The following CNTN4 variants were observed in gnomAD, a reference collection of about 807,000 sequenced individuals.
CNTN4 encodes contactin-4.
Under a neutral mutation model 122.5 loss-of-function variants are expected in CNTN4, and 77 were observed. That is an observed-to-expected ratio of 0.63 (90% CI 0.52 to 0.76). The LOEUF (loss-of-function observed/expected upper bound fraction) is 0.76. CNTN4 is among the 30% of genes least tolerant of loss of function. CNTN4 has a pLI of 0.00. For synonymous variants in CNTN4, 512 were observed against 447.0 expected (o/e 1.15, Z -1.83); for missense variants, 1,256 against 1,259.1 (o/e 1.00, Z 0.04).
chr3:2,269,015 C>T (rs540944557), intron 2 of CNTN4, among the ~76,000 whole-genome samples: 1 of 152,194 alleles, frequency 6.6e-6, no homozygotes, highest in South Asian at 2.1e-4. Context: ...GACAGATTAA[C>T]CAAATAGGCA....
chr3:2,590,522 T>C (rs2080420477), intron 4 of CNTN4, among the ~76,000 whole-genome samples: 1 of 151,846 alleles, frequency 6.6e-6, no homozygotes, highest in African/African-American at 2.4e-5. Flanking sequence ...CTTTTCTGCT[T>C]GGGTGGCTTA....
At chr3:2,839,098 C>T (rs2093295470) in intron 7 of CNTN4, among the ~76,000 whole-genome samples, 1 of 152,116 alleles carries the variant, frequency 6.6e-6, no homozygotes, top group Non-Finnish European at 1.5e-5. Context: ...TGACATACAC[C>T]TTCAATTTTT....
intron 18 of CNTN4, among the ~76,000 whole-genome samples, chr3:3,038,281 G>C (rs7622823): frequency 6.6e-6 from 1 of 152,036 alleles, no homozygotes. Flanking sequence ...GTGGAAGCTC[G>C]CATAATTTCC....
At chr3:2,788,361 A>G (rs1242196164) in intron 6 of CNTN4, among the ~76,000 whole-genome samples, 1 of 152,164 alleles carries the variant, frequency 6.6e-6, no homozygotes, top group Non-Finnish European at 1.5e-5. Context: ...ATTTAACCCA[A>G]TGGAATATAA....
At chr3:2,293,476 T>A (rs1456408734) in intron 2 of CNTN4, among the ~76,000 whole-genome samples, 1 of 152,242 alleles carries the variant, frequency 6.6e-6, no homozygotes, top group Non-Finnish European at 1.5e-5. Flanking sequence ...CTTTACCACT[T>A]ACTAACTAAT....
At position 2,492,876 on chromosome 3, in the gene CNTN4, C is replaced by A. The variant is rs1125102; in HGVS notation, c.-88-78540C>A. On this transcript the variant is annotated intron_variant, in intron 3 of 24. Coordinates refer to ENST00000418658, the MANE Select transcript of CNTN4 (RefSeq NM_175607.3). ...TAGTTCAAACAGTATTGTCTAAAGT[C>A]GTTTTAATCTATCAGGTTTTTATAG... Among the ~76,000 whole-genome samples, 52,711 of 151,884 alleles carry A rather than the reference C, an allele frequency of 0.35. 9,818 individuals carry two copies. Among genetic ancestry groups the A allele is most frequent in the Admixed American group, 0.46 (7,057 of 15,244 alleles).
intron 3 of CNTN4, among the ~76,000 whole-genome samples, chr3:2,523,023 C>T (rs1009401805): frequency 6.6e-6 from 1 of 151,970 alleles, no homozygotes; most frequent in African/African-American, 2.4e-5. Context: ...TACATCTTTG[C>T]CTGACATCTG....
intron 4 of CNTN4, among the ~76,000 whole-genome samples, chr3:2,627,438 T>C (rs1385691501): frequency 6.6e-6 from 1 of 152,080 alleles, no homozygotes; most frequent in Non-Finnish European, 1.5e-5. Flanking sequence ...CAGTAAACTT[T>C]GTTTACCAAC....
At position 2,616,823 on chromosome 3, in the gene CNTN4, C is replaced by G. The variant is rs897192293; in HGVS notation, c.55+45265C>G. 3.3e-5 allele frequency among the ~76,000 whole-genome samples: 5 copies of G among 152,128 alleles called. No individual in the cohort carries two copies. The East Asian group carries it at 9.6e-4, about 29-fold the overall frequency. On this transcript the variant is annotated intron_variant, in intron 4 of 24. Transcript: ENST00000418658. ...GACCAATGGAACAGAACAGAGACCTCAGAAATAACACCCAACATCTACAAC... is the reference window on the plus strand; with the variant it reads ...GACCAATGGAACAGAACAGAGACCTGAGAAATAACACCCAACATCTACAAC...
intron 6 of CNTN4, among the ~76,000 whole-genome samples, chr3:2,798,183 TGGG>T (rs2092250016): frequency 2.6e-5 from 4 of 151,460 alleles, no homozygotes; most frequent in Non-Finnish European, 5.9e-5. Flanking sequence ...TTTCTGCTTG[TGGG>T]TTATTTCTCT....
At chr3:2,217,682 A>AAG (rs148635480) in intron 2 of CNTN4, among the ~76,000 whole-genome samples, 102,081 of 151,438 alleles carry the variant, frequency 0.67, 34,633 homozygotes, top group Non-Finnish European at 0.7. Flanking sequence ...AAGCATTATA[A>AAG]AGAGAGAGAG....
intron 2 of CNTN4, among the ~76,000 whole-genome samples, chr3:2,207,091 G>T (rs1024805056): frequency 3.3e-5 from 5 of 151,862 alleles, no homozygotes; most frequent in African/African-American, 1.2e-4. Context: ...AATTTGGGGG[G>T]TGTCATGAAC....
At chr3:2,358,807 T>C (rs2044986339) in intron 3 of CNTN4, among the ~76,000 whole-genome samples, 1 of 152,210 alleles carries the variant, frequency 6.6e-6, no homozygotes, top group Non-Finnish European at 1.5e-5. Flanking sequence ...TTATTTTTTA[T>C]TCCAATATAG....
intron 13 of CNTN4, among the ~76,000 whole-genome samples, chr3:2,967,872 A>G (rs933146358): frequency 4.0e-5 from 6 of 149,292 alleles, no homozygotes; most frequent in African/African-American, 1.2e-4. Context: ...TTTTAATGAC[A>G]ATGATTTTGG....
At chr3:2,690,962 C>T (rs1174319481) in intron 4 of CNTN4, among the ~76,000 whole-genome samples, 3 of 152,156 alleles carry the variant, frequency 2.0e-5, no homozygotes, top group Non-Finnish European at 2.9e-5. Flanking sequence ...ACAGAAAGAG[C>T]CCGTCAATGC....
At chr3:2,311,062 C>G (rs1455198167) in intron 2 of CNTN4, among the ~76,000 whole-genome samples, 1 of 151,972 alleles carries the variant, frequency 6.6e-6, no homozygotes, top group Non-Finnish European at 1.5e-5. Context: ...ATGAAAATAT[C>G]CGAATCAGAA....
chr3:3,054,012 G>A (rs368670774), intron 24 of CNTN4, 37 bp downstream of exon 24: 1 of 1,606,862 alleles, frequency 6.2e-7, no homozygotes, highest in Admixed American at 1.7e-5. Context: ...TCTCCTGCCT[G>A]TCTTATCTTA....
intron 4 of CNTN4, among the ~76,000 whole-genome samples, chr3:2,723,288 C>T (rs2087978812): frequency 1.3e-5 from 2 of 152,150 alleles, no homozygotes; most frequent in Admixed American, 6.5e-5. Context: ...TTACTCGCCT[C>T]AAAAAGTGGG....
chr3:2,335,364 T>C (rs1575402871), intron 2 of CNTN4, among the ~76,000 whole-genome samples: 1 of 152,112 alleles, frequency 6.6e-6, no homozygotes, highest in South Asian at 2.1e-4. Flanking sequence ...AGTGTTCTCA[T>C]GGATTACCTC....
Sources: allele counts gnomAD v4.1 joint callset (sites outside exome capture counted in the v4.1 genomes callset), GRCh38; gene constraint gnomAD v4.1.1; transcripts MANE v1.5; gene names NCBI Gene and HGNC (gene_info 2026-07-23, HGNC 2026-07-21).